GSN: variants seen among roughly 807,000 people sequenced by gnomAD.
GSN encodes gelsolin.
In GSN, 56 loss-of-function variants were observed where a neutral mutation model predicts 85.7. The observed-to-expected ratio is 0.65, with a 90% confidence interval of 0.53 to 0.82. GSN has a LOEUF of 0.82. Among genes scored for constraint, GSN ranks in the 40% least tolerant of loss-of-function variants. The pLI is 0.00. For missense variants in GSN, 857 were observed against 979.8 expected (o/e 0.87, Z 1.67); for synonymous variants, 373 against 399.1 (o/e 0.93, Z 0.78).
Position 121,209,832 on chromosome 9 carries a change from A to AT in GSN, c.-705-403dup, listed in dbSNP as rs1202734914. On this transcript the variant is annotated intron_variant, in intron 2 of 24. Transcript: ENST00000373823. The stretch of plus-strand genomic sequence containing the variant: ...AAGAAGAAAACCTTTATCTGCTATC[A>AT]TAGAATTCAACAGAAATCAGAAAGT... Among the ~76,000 whole-genome samples, 4 of 152,376 alleles carry AT rather than the reference A, an allele frequency of 2.6e-5. No individual in the cohort carries two copies. In the East Asian group the frequency reaches 7.7e-4, roughly 29 times the overall value.
intron 6 of GSN, among the ~76,000 whole-genome samples, chr9:121,255,333 G>A (rs541433530): frequency 1.3e-5 from 2 of 152,284 alleles, no homozygotes; most frequent in Admixed American, 1.3e-4. Flanking sequence ...TCAACTTCCT[G>A]GGCTCAAGTG....
intron 4 of GSN, among the ~76,000 whole-genome samples, chr9:121,306,107 C>T (rs2060390763): frequency 6.6e-6 from 1 of 152,146 alleles, no homozygotes. Context: ...TCCGCAGACC[C>T]CCATTTTTGG....
intron 16 of GSN, among the ~76,000 whole-genome samples, chr9:121,330,394 G>A (rs2063753347): frequency 6.6e-6 from 1 of 152,150 alleles, no homozygotes; most frequent in Non-Finnish European, 1.5e-5. Flanking sequence ...CCAACATGGT[G>A]AAACCCCATC....
intron 4 of GSN, among the ~76,000 whole-genome samples, chr9:121,229,504 C>G (rs1386260201): frequency 6.6e-6 from 1 of 152,216 alleles, no homozygotes; most frequent in Non-Finnish European, 1.5e-5. Context: ...ACAGACTGAG[C>G]CACCACGCCC....
intron 4 of GSN, among the ~76,000 whole-genome samples, chr9:121,227,028 C>T (rs150699724): frequency 2.6e-5 from 4 of 152,244 alleles, no homozygotes; most frequent in Non-Finnish European, 5.9e-5. Context: ...CTGCAATCAG[C>T]ACCTCTCCAG....
Position 121,318,564 on chromosome 9 carries a change from C to G in GSN, c.975+70C>G. On this transcript the variant is annotated intron_variant, in intron 9 of 17. Coordinates refer to ENST00000432226, the MANE Select transcript of GSN (RefSeq NM_198252.3). The surrounding 1 kb of genome is among the most constrained non-coding windows in gnomAD (Gnocchi z 4.3). ...TTGGAGGGGATGGGCTGGAGTAGGG[C>G]GGGTGTCCCACCCTCAGTGTGGATG... 6.8e-7 allele frequency: 1 copy of G among 1,459,958 alleles called. No homozygotes were observed. The highest frequency in any genetic ancestry group is 9.6e-7 in the Non-Finnish European group (1 of 1,039,614). 90.4% of individuals were successfully genotyped at this position (1,459,958 alleles called of 1,614,324 possible).
chr9:121,294,536 G>A (rs961982684), intron 2 of GSN, among the ~76,000 whole-genome samples: 12 of 152,196 alleles, frequency 7.9e-5, no homozygotes, highest in Non-Finnish European at 1.6e-4. Context: ...CACTAGGTGG[G>A]GCTGGCTCCG....
intron 1 of GSN, among the ~76,000 whole-genome samples, chr9:121,275,492 C>T (rs1471209540): frequency 3.9e-5 from 6 of 152,168 alleles, no homozygotes; most frequent in Admixed American, 1.3e-4. Flanking sequence ...AGAGAAGAAA[C>T]GGCCATGTTT....
rs1340967322 is a variant in GSN, at chr9:121,329,733, GGC to G, written c.1965+419_1965+420del. On this transcript the variant is annotated intron_variant, in intron 16 of 17. Coordinates refer to ENST00000432226, the MANE Select transcript of GSN (RefSeq NM_198252.3). The surrounding 1 kb of genome is among the most constrained non-coding windows in gnomAD (Gnocchi z 4.6). ...TCCTGCTTCTGGTTTGAGGGCTCTG[GGC>G]TCTGTCTCCACTTCATCTCCTAGAG... Among the ~76,000 whole-genome samples the G allele has an allele frequency of 2.0e-5, 3 of 152,108 alleles. No homozygotes were observed. The highest frequency in any genetic ancestry group is 4.8e-5 in the African/African-American group (2 of 41,408).
At chr9:121,202,088 G>A in the GSN span, among the ~76,000 whole-genome samples, 4 of 152,244 alleles carry the variant, frequency 2.6e-5, no homozygotes, top group Admixed American at 6.5e-5. Context: ...GGTGGAAAGC[G>A]CGTATGCGCA....
chr9:121,314,165 G>C (rs1397808072), intron 7 of GSN, 142 bp downstream of exon 7: 3 of 719,658 alleles, frequency 4.2e-6, no homozygotes, highest in Non-Finnish European at 7.6e-6. Context: ...CGTCTCCAGT[G>C]GATGCTCGTG....
intron 2 of GSN, chr9:121,210,215 TC>T (rs2132069393): frequency 6.6e-6 from 1 of 152,312 alleles, no homozygotes; most frequent in South Asian, 2.1e-4. Context: ...ACTTCCCTGT[TC>T]CACACCATCT....
upstream of GSN, among the ~76,000 whole-genome samples, chr9:121,264,162 A>G (rs557174751): frequency 3.3e-4 from 51 of 152,276 alleles, no homozygotes; most frequent in African/African-American, 1.2e-3. Flanking sequence ...GTAAGAATGC[A>G]TGGAAATTTG....
At chr9:121,250,753 G>A (rs1009680233) in intron 6 of GSN, among the ~76,000 whole-genome samples, 5 of 151,928 alleles carry the variant, frequency 3.3e-5, no homozygotes, top group African/African-American at 7.3e-5. Context: ...TGGCCAGGCT[G>A]GTCTCGAACT....
intron 6 of GSN, among the ~76,000 whole-genome samples, chr9:121,250,872 GGTGTGTGTGT>G (rs34623899): frequency 0.039 from 5,315 of 135,074 alleles, 127 homozygotes; most frequent in Non-Finnish European, 0.058. Flanking sequence ...GCCTGCTTGG[GGTGTGTGTGT>G]GTGTGTGTGT....
chr9:121,203,678 G>A (rs1030612338), upstream of GSN, among the ~76,000 whole-genome samples: 4 of 152,176 alleles, frequency 2.6e-5, no homozygotes, highest in African/African-American at 7.2e-5. Context: ...ACCTGGGTTC[G>A]AATTCCTGCT....
intron 5 of GSN, among the ~76,000 whole-genome samples, chr9:121,233,539 G>A (rs1424877688): frequency 6.6e-6 from 1 of 152,080 alleles, no homozygotes; most frequent in Non-Finnish European, 1.5e-5. Flanking sequence ...GGCACAGGAG[G>A]TCAAATAAAG....
intron 7 of GSN, among the ~76,000 whole-genome samples, chr9:121,316,571 A>G (rs908083194): frequency 2.0e-5 from 3 of 152,116 alleles, no homozygotes; most frequent in Non-Finnish European, 4.4e-5. Flanking sequence ...CCTGGGCTCA[A>G]GTGATCCTCC....
At position 121,312,322 on chromosome 9, in the gene GSN, G is replaced by C. The variant is rs2061244275; in HGVS notation, c.514-17G>C. 1.2e-6 allele frequency: 2 copies of C among 1,613,836 alleles called. No individual in the cohort carries two copies. The highest frequency in any genetic ancestry group is 1.3e-5 in the African/African-American group (1 of 74,938). On this transcript the variant is annotated splice_polypyrimidine_tract_variant and intron_variant, in intron 5 of 17. Transcript: ENST00000432226. ...TAGGAAGGCGGGGCACTGACTTCCT[G>C]GGTCTCTGTCTTCCAGAACATCCAC...
Sources: gnomAD v4.1 joint callset for allele counts (sites outside exome capture counted in the v4.1 genomes callset) on GRCh38, gnomAD v4.1.1 for gene constraint, Gnocchi (gnomAD v3.1) non-coding constraint, MANE v1.5 for transcripts, NCBI Gene and HGNC (gene_info 2026-07-23, HGNC 2026-07-21) for gene names.